The following AGBL4 variants were observed in gnomAD, a reference collection of about 807,000 sequenced individuals.
AGBL4 encodes the protein cytosolic carboxypeptidase 6.
AGBL4 carries 58 observed loss-of-function variants against 66.4 expected under a neutral mutation model. That is an observed-to-expected ratio of 0.87 (90% CI 0.71 to 1.09). AGBL4 has a LOEUF of 1.09. Among genes scored for constraint, AGBL4 ranks in the 50% least tolerant of loss-of-function variants. The probability of loss-of-function intolerance (pLI) is 0.00; values close to 1 mark genes in which losing one functional copy is unlikely to be tolerated. For missense variants in AGBL4, 579 were observed against 631.0 expected (o/e 0.92, Z 0.88); for synonymous variants, 234 against 222.9 (o/e 1.05, Z -0.44).
intron 1 of AGBL4, among the ~76,000 whole-genome samples, chr1:49,920,362 G>A (rs1326160274): frequency 6.6e-6 from 1 of 152,110 alleles, no homozygotes; most frequent in Non-Finnish European, 1.5e-5. Context: ...CTAATATCCA[G>A]AATCTATAAA....
At chr1:49,331,889 T>TA (rs1645342351) in intron 3 of AGBL4, among the ~76,000 whole-genome samples, 2 of 152,126 alleles carry the variant, frequency 1.3e-5, no homozygotes, top group Non-Finnish European at 2.9e-5. Flanking sequence ...CCCTTACCCA[T>TA]ATTCTAGACA....
intron 6 of AGBL4, among the ~76,000 whole-genome samples, chr1:48,734,703 A>T (rs1307900922): frequency 6.6e-6 from 1 of 152,154 alleles, no homozygotes; most frequent in Non-Finnish European, 1.5e-5. Context: ...CCACATCCAG[A>T]TTGCAGCTCA....
chr1:48,742,887 G>C (rs1650135704), intron 6 of AGBL4: 3 of 1,075,364 alleles, frequency 2.8e-6, no homozygotes. Flanking sequence ...GCTTATTTTT[G>C]TCCATTGAAC....
At chr1:49,266,181 T>C (rs900995194) in intron 3 of AGBL4, 8 of 152,086 alleles carry the variant, frequency 5.3e-5, no homozygotes, top group African/African-American at 1.9e-4. Context: ...AAAAAATGGC[T>C]TGCAGATTGC....
chr1:49,966,544 G>T (rs1168294486), intron 1 of AGBL4, among the ~76,000 whole-genome samples: 2 of 152,024 alleles, frequency 1.3e-5, no homozygotes, highest in Non-Finnish European at 2.9e-5. Flanking sequence ...TAAACATGCA[G>T]ACATTAGTAC....
At chr1:49,248,686 C>T (rs890005695) in intron 3 of AGBL4, among the ~76,000 whole-genome samples, 1 of 151,930 alleles carries the variant, frequency 6.6e-6, no homozygotes, top group African/African-American at 2.4e-5. Context: ...CAGTATCCTA[C>T]CACAGTTGTT....
intron 12 of AGBL4, among the ~76,000 whole-genome samples, chr1:48,538,153 A>C (rs1196798459): frequency 6.6e-6 from 1 of 152,164 alleles, no homozygotes; most frequent in Non-Finnish European, 1.5e-5. Flanking sequence ...CTTGTCATGA[A>C]GACTCTATGA....
chr1:48,700,023 C>T (rs1646777144), intron 6 of AGBL4, among the ~76,000 whole-genome samples: 1 of 152,150 alleles, frequency 6.6e-6, no homozygotes, highest in Admixed American at 6.5e-5. Flanking sequence ...AAGCAATTCA[C>T]CTGCCTTGGC....
intron 2 of AGBL4, among the ~76,000 whole-genome samples, chr1:49,837,190 A>G (rs1055684553): frequency 6.6e-6 from 1 of 152,112 alleles, no homozygotes; most frequent in Non-Finnish European, 1.5e-5. Flanking sequence ...TGTCCAAGGG[A>G]GATGGGAGTT....
intron 3 of AGBL4, among the ~76,000 whole-genome samples, chr1:49,606,481 C>T (rs760362142): frequency 2.0e-5 from 3 of 152,066 alleles, no homozygotes; most frequent in East Asian, 1.9e-4. Flanking sequence ...ATCCTATTTA[C>T]GTTAGTGCTT....
chr1:49,737,007 C>T (rs1428439162), intron 2 of AGBL4, among the ~76,000 whole-genome samples: 1 of 151,530 alleles, frequency 6.6e-6, no homozygotes. Flanking sequence ...TTAACAATGG[C>T]TATTAAAAAG....
chr1:49,831,196 G>T (rs1645664569), intron 2 of AGBL4, among the ~76,000 whole-genome samples: 2 of 152,114 alleles, frequency 1.3e-5, no homozygotes, highest in Admixed American at 1.3e-4. Flanking sequence ...AATTACTTTG[G>T]GCAGTATGGC....
At chr1:49,803,240 G>T (rs1644904956) in intron 2 of AGBL4, among the ~76,000 whole-genome samples, 1 of 151,890 alleles carries the variant, frequency 6.6e-6, no homozygotes, top group Non-Finnish European at 1.5e-5. Flanking sequence ...AACAAGATTT[G>T]ATCCCCACTC....
chr1:49,921,261 AC>A (rs1557582393), intron 1 of AGBL4, among the ~76,000 whole-genome samples: 1 of 152,100 alleles, frequency 6.6e-6, no homozygotes, highest in Non-Finnish European at 1.5e-5. Context: ...AGAAAAAAAA[AC>A]AAACAAACAA....
At chr1:49,270,178 T>C (rs1477915253) in intron 3 of AGBL4, among the ~76,000 whole-genome samples, 1 of 152,168 alleles carries the variant, frequency 6.6e-6, no homozygotes, top group East Asian at 1.9e-4. Flanking sequence ...ATTCATATTG[T>C]TTGGTCTCTC....
At chr1:48,577,861 G>A (rs1644678580) in intron 11 of AGBL4, among the ~76,000 whole-genome samples, 1 of 152,206 alleles carries the variant, frequency 6.6e-6, no homozygotes, top group Non-Finnish European at 1.5e-5. Context: ...AAAGGCTCTT[G>A]TCCAACAGGA....
chr1:48,677,376 A>G (rs889068576), intron 6 of AGBL4, among the ~76,000 whole-genome samples: 4 of 152,192 alleles, frequency 2.6e-5, no homozygotes, highest in African/African-American at 9.7e-5. Context: ...GAGGATTAAC[A>G]TATTCGCCAC....
chr1:49,213,373 T>C (rs1284008051), intron 4 of AGBL4, among the ~76,000 whole-genome samples: 1 of 152,106 alleles, frequency 6.6e-6, no homozygotes, highest in African/African-American at 2.4e-5. Flanking sequence ...ATCCTCAGTG[T>C]TGGAGGTGGG....
intron 4 of AGBL4, among the ~76,000 whole-genome samples, chr1:49,116,894 C>T (rs1429543160): frequency 2.6e-5 from 4 of 152,134 alleles, no homozygotes; most frequent in African/African-American, 9.7e-5. Context: ...TGTTTCCTGA[C>T]TTTTTAATGA....
Sources: allele counts gnomAD v4.1 joint callset (sites outside exome capture counted in the v4.1 genomes callset), GRCh38; gene constraint gnomAD v4.1.1; transcripts MANE v1.5; gene names NCBI Gene and HGNC (gene_info 2026-07-23, HGNC 2026-07-21).